Variants in CACNA1B observed in about 807,000 individuals in gnomAD.
The protein encoded by CACNA1B is voltage-dependent N-type calcium channel subunit alpha-1B.
CACNA1B carries 70 observed loss-of-function variants against 247.2 expected under a neutral mutation model. The ratio of observed to expected loss-of-function variants is 0.28; its 90% CI spans 0.23 to 0.35. CACNA1B has a LOEUF of 0.35. Among genes scored for constraint, CACNA1B ranks in the 10% least tolerant of loss-of-function variants. The pLI is 1.00. For synonymous variants in CACNA1B, 1,231 were observed against 1,294.4 expected, an observed-to-expected ratio of 0.95 and a Z score of 1.05; for missense variants, 2,367 against 3,197.4, an observed-to-expected ratio of 0.74 and a Z score of 6.26.
In CACNA1B at chr9:138,025,096, G is replaced by A. The variant is rs1958904538; in HGVS notation, c.3210G>A (p.Gln1070=). The change falls in exon 20 of 47, where the codon CAG becomes CAA. Residue 1070 remains glutamine, a synonymous_variant. Coordinates refer to ENST00000371372, the MANE Select transcript of CACNA1B (RefSeq NM_000718.4). The stretch of plus-strand genomic sequence containing the variant: ...GGAACGTCACTCGCATGGGCAGTCA[G>A]CCCCCAGACCCGAACACTATTGTAC... ...NQRNVTRMGS[Q]PPDPNTIVHI... is the part of the protein sequence containing the mutation. The A allele has an allele frequency of 6.2e-7, 1 of 1,613,374 alleles. No homozygotes were observed. The highest frequency in any genetic ancestry group is 1.3e-5 in the African/African-American group (1 of 74,926).
chr9:137,944,938 G>T (rs1308318741), intron 6 of CACNA1B, among the ~76,000 whole-genome samples: 1 of 152,144 alleles, frequency 6.6e-6, no homozygotes, highest in African/African-American at 2.4e-5. Flanking sequence ...TGTAAAAGGG[G>T]GTCATCTACA....
chr9:138,088,673 G>A (rs370945784), intron 36 of CACNA1B, among the ~76,000 whole-genome samples: 14 of 151,922 alleles, frequency 9.2e-5, no homozygotes, highest in East Asian at 7.8e-4. Context: ...ATCTCCCATC[G>A]GCCGGGCATG....
chr9:138,078,890 A>C (rs1007729336), intron 36 of CACNA1B, among the ~76,000 whole-genome samples: 16 of 152,224 alleles, frequency 1.1e-4, no homozygotes, highest in Non-Finnish European at 8.8e-5. Flanking sequence ...AGCAGGCTGC[A>C]TCCTGGGGTT....
intron 40 of CACNA1B, among the ~76,000 whole-genome samples, chr9:138,113,287 A>G (rs1249830802): frequency 6.9e-6 from 1 of 143,896 alleles, no homozygotes; most frequent in Non-Finnish European, 1.5e-5. Flanking sequence ...TACATGAGGG[A>G]GCACAATGAG....
intron 3 of CACNA1B, among the ~76,000 whole-genome samples, chr9:137,894,686 G>A (rs988363339): frequency 1.3e-5 from 2 of 152,158 alleles, no homozygotes; most frequent in Non-Finnish European, 2.9e-5. Context: ...GGGATTACAG[G>A]CATGAGCCAC....
intron 15 of CACNA1B, among the ~76,000 whole-genome samples, chr9:138,000,706 A>G (rs905953542): frequency 1.4e-4 from 21 of 152,202 alleles, no homozygotes; most frequent in African/African-American, 4.8e-4. Flanking sequence ...ACCAGAACGC[A>G]AGCTCCATGG....
chr9:138,047,867 G>C (rs1332734428), intron 23 of CACNA1B, among the ~76,000 whole-genome samples: 2 of 152,200 alleles, frequency 1.3e-5, no homozygotes, highest in Non-Finnish European at 2.9e-5. Flanking sequence ...TTGGAAGTGG[G>C]TGCTGAAGAC....
intron 36 of CACNA1B, among the ~76,000 whole-genome samples, chr9:138,092,112 T>G (rs1960899819): frequency 6.6e-6 from 1 of 152,134 alleles, no homozygotes; most frequent in Non-Finnish European, 1.5e-5. Context: ...AGGGTGAAAT[T>G]AGAATTACTG....
chr9:138,047,510 A>G lies in CACNA1B; in HGVS notation c.3603+52A>G, dbSNP rs369548707. On this transcript the variant is annotated intron_variant, in intron 23 of 46. Coordinates refer to ENST00000371372, the MANE Select transcript of CACNA1B (RefSeq NM_000718.4). Reference sequence around the variant, plus strand: ...CCCAGTGTTTTGCTCTCCCTCCCTCATGATTGAGATGGGACCAGGGCAGTG... The same window carrying G: ...CCCAGTGTTTTGCTCTCCCTCCCTCGTGATTGAGATGGGACCAGGGCAGTG... 19 of 1,256,774 alleles carry G rather than the reference A, an allele frequency of 1.5e-5. No homozygotes were observed. The African/African-American group carries it at 2.2e-4, about 15-fold the overall frequency. The allele number at this position is 1,256,774 out of a possible 1,614,324, so 77.9% of individuals were successfully genotyped here.
chr9:137,917,460 G>A lies in CACNA1B; in HGVS notation c.966+29G>A, dbSNP rs1430192858. The A allele has an allele frequency of 1.3e-6, 2 of 1,595,626 alleles. No homozygotes were observed. The highest frequency in any genetic ancestry group is 1.7e-6 in the Non-Finnish European group (2 of 1,166,538). ...AGTGGCGTCTTGGCCCTGGGCCTGA[G>A]GGCAGGCCCTGGACCTCCTGAGCTG... is the stretch of plus-strand genomic sequence containing the variant. On this transcript the variant is annotated intron_variant, in intron 6 of 46. Coordinates refer to ENST00000371372, the MANE Select transcript of CACNA1B (RefSeq NM_000718.4). This position sits in a 1 kb window ranked among gnomAD's most constrained non-coding sequence, Gnocchi z 5.5.
At chr9:138,106,488 C>T (rs559877773) in intron 39 of CACNA1B, among the ~76,000 whole-genome samples, 4 of 152,294 alleles carry the variant, frequency 2.6e-5, no homozygotes, top group South Asian at 4.1e-4. Flanking sequence ...TCAAAAAGTT[C>T]GCTGGGCGCG....
In CACNA1B at chr9:138,057,594, T is replaced by G. The variant is rs1959558340; in HGVS notation, c.3969-138T>G. ...GTAGGGTCACATTCATTCTTCTGCA[T>G]GTGGACATCCAGTTTTCCCAGCACA... On this transcript the variant is annotated intron_variant, in intron 26 of 46. Transcript: ENST00000371372. The surrounding 1 kb of genome is among the most constrained non-coding windows in gnomAD (Gnocchi z 4.0). 1.4e-6 allele frequency: 1 copy of G among 728,208 alleles called. No homozygotes were observed. Among genetic ancestry groups the G allele is most frequent in the Admixed American group, 2.9e-5 (1 of 34,328 alleles). The allele number at this position is 728,208 out of a possible 1,614,324, so 45.1% of individuals were successfully genotyped here.
In CACNA1B at chr9:138,047,258, C is replaced by T. The variant is rs1456500608; in HGVS notation, c.3544-141C>T. 5 of 739,974 alleles carry T rather than the reference C, an allele frequency of 6.8e-6. No individual in the cohort carries two copies. In the Admixed American group the frequency reaches 9.7e-5, roughly 14 times the overall value. 45.8% of individuals were successfully genotyped at this position (739,974 alleles called of 1,614,324 possible). A position where few individuals can be genotyped will look rare whatever the true frequency, so the allele number is the denominator to read the frequency against. ...CCAGACGGTGCTTGTCAGAGACCCC[C>T]TTCCCAGAACCGTTTTCCACAGGCT... On this transcript the variant is annotated intron_variant, in intron 22 of 46. Coordinates refer to ENST00000371372, the MANE Select transcript of CACNA1B (RefSeq NM_000718.4).
In CACNA1B at chr9:138,050,198, C is replaced by A; in HGVS notation, c.3710+883C>A. The stretch of plus-strand genomic sequence containing the variant: ...CCCCGCCCATCCACTTTCACCCCAT[C>A]GGGGCTGCATGCTGCCGGGAGCCAA... On this transcript the variant is annotated intron_variant, in intron 24 of 46. Coordinates refer to ENST00000371372, the MANE Select transcript of CACNA1B (RefSeq NM_000718.4). The surrounding 1 kb of genome is among the most constrained non-coding windows in gnomAD (Gnocchi z 5.2). 2 of 798,132 alleles carry A rather than the reference C, an allele frequency of 2.5e-6. No homozygotes were observed. Among genetic ancestry groups the A allele is most frequent in the Non-Finnish European group, 3.7e-6 (2 of 542,208 alleles). The allele number at this position is 798,132 out of a possible 1,614,324, so 49.4% of individuals were successfully genotyped here.
intron 6 of CACNA1B, among the ~76,000 whole-genome samples, chr9:137,947,110 C>G (rs1227277997): frequency 6.6e-6 from 1 of 152,128 alleles, no homozygotes; most frequent in Non-Finnish European, 1.5e-5. Flanking sequence ...CTTGGTTACA[C>G]TCTATGTAAA....
Position 137,991,641 on chromosome 9 carries a change from A to C in CACNA1B, c.1974+4787A>C, listed in dbSNP as rs945555598. On this transcript the variant is annotated intron_variant, in intron 15 of 46. Transcript: ENST00000371372. Reference sequence around the variant, plus strand: ...CACCTAGGCACATAGTCATCAGATTATCTGAAGTCAAGATGAAGGAAAAAT... The same window carrying C: ...CACCTAGGCACATAGTCATCAGATTCTCTGAAGTCAAGATGAAGGAAAAAT... Among the ~76,000 whole-genome samples, 13 of 152,376 alleles carry C rather than the reference A, an allele frequency of 8.5e-5. No individual in the cohort carries two copies. In the South Asian group the frequency reaches 1.7e-3, roughly 19 times the overall value.
chr9:138,121,690 C>G lies in CACNA1B; in HGVS notation c.6711C>G (p.Ala2237=). The G allele has an allele frequency of 1.2e-6, 2 of 1,613,348 alleles. No individual in the cohort carries two copies. Among genetic ancestry groups the G allele is most frequent in the Non-Finnish European group, 1.7e-6 (2 of 1,179,728 alleles). The part of the protein sequence containing the change: ...RLSRGLSEHN[A]LLQRDPLSQP... ...GCCGTGGGCTTTCCGAACACAACGCCCTGCTGCAGAGAGACCCCCTCAGCC... is the reference window on the plus strand; with the variant it reads ...GCCGTGGGCTTTCCGAACACAACGCGCTGCTGCAGAGAGACCCCCTCAGCC... Residue 2237 remains alanine (A), a synonymous_variant, in exon 47 of 47, where the codon GCC becomes GCG. Coordinates refer to ENST00000371372, the MANE Select transcript of CACNA1B (RefSeq NM_000718.4). The surrounding 1 kb of genome is among the most constrained non-coding windows in gnomAD (Gnocchi z 6.8).
At chr9:138,013,383 G>T in intron 18 of CACNA1B, 148 bp downstream of exon 18, 1 of 600,126 alleles carries the variant, frequency 1.7e-6, no homozygotes, top group Non-Finnish European at 2.9e-6. Context: ...CTCGGAACTG[G>T]GATGAGAGCC....
Position 138,120,763 on chromosome 9 carries a change from A to C in CACNA1B, c.6371A>C (p.Lys2124Thr). Residue 2124 changes from lysine (K) to threonine (T), a missense_variant, in exon 46 of 47, where the codon AAG (lysine) becomes ACG (threonine). By Grantham distance (78) the Lys-to-Thr change is moderately conservative. Around this residue, in one of 12 missense-constraint regions of CACNA1B, gnomAD observed 773 missense variants for 779.4 expected, o/e 0.99. Transcript: ENST00000371372. ...CAGCCCTCATCCTCCTCCTCGGAGAAGCAGCGCTTCTACTCCTGCGACCGC... is the reference window on the plus strand; with the variant it reads ...CAGCCCTCATCCTCCTCCTCGGAGACGCAGCGCTTCTACTCCTGCGACCGC... ...RRQPSSSSSE[K>T]QRFYSCDRFG... The C allele has an allele frequency of 6.4e-7, 1 of 1,550,440 alleles. No individual in the cohort carries two copies. The highest frequency in any genetic ancestry group is 1.2e-5 in the South Asian group (1 of 83,940).
Sources: allele counts gnomAD v4.1 joint callset (sites outside exome capture counted in the v4.1 genomes callset), GRCh38; gene constraint gnomAD v4.1.1; regional missense constraint gnomAD v4.1.1; non-coding constraint Gnocchi (gnomAD v3.1); transcripts MANE v1.5; gene names NCBI Gene and HGNC (gene_info 2026-07-23, HGNC 2026-07-21).